Variants in USH2A observed in about 807,000 individuals in gnomAD.
The protein encoded by USH2A is usherin.
A neutral mutation model predicts 538.9 loss-of-function variants in USH2A; 443 were observed. The ratio of observed to expected loss-of-function variants is 0.82; its 90% CI spans 0.76 to 0.89. The LOEUF (loss-of-function observed/expected upper bound fraction) is 0.89. USH2A is among the 40% of genes least tolerant of loss of function. USH2A has a pLI of 0.00. For missense variants in USH2A, 6,633 were observed against 6,324.8 expected (o/e 1.05, Z -1.65); for synonymous variants, 2,413 against 2,273.5 (o/e 1.06, Z -1.75).
chr1:216,172,805 C>T (rs1223058091), intron 21 of USH2A, among the ~76,000 whole-genome samples: 1 of 152,122 alleles, frequency 6.6e-6, no homozygotes, highest in Non-Finnish European at 1.5e-5. Flanking sequence ...TTAGCAGTGT[C>T]AGATAAGGAA....
chr1:216,205,655 G>C (rs116153417), intron 16 of USH2A, among the ~76,000 whole-genome samples: 1 of 152,266 alleles, frequency 6.6e-6, no homozygotes, highest in African/African-American at 2.4e-5. Context: ...TTTCGACAGA[G>C]CTTTAAACAG....
intron 11 of USH2A, among the ~76,000 whole-genome samples, chr1:216,285,554 C>T (rs1292944050): frequency 6.6e-6 from 1 of 152,226 alleles, no homozygotes; most frequent in Non-Finnish European, 1.5e-5. Context: ...TCAGACCCCC[C>T]ACACAGAGTC....
intron 61 of USH2A, among the ~76,000 whole-genome samples, chr1:215,726,631 T>G (rs1659826116): frequency 6.6e-6 from 1 of 152,176 alleles, no homozygotes; most frequent in Admixed American, 6.5e-5. Flanking sequence ...AGTTTTTTGG[T>G]TTTTTTATAA....
intron 21 of USH2A, among the ~76,000 whole-genome samples, chr1:216,136,832 C>T (rs771405330): frequency 5.3e-5 from 8 of 152,146 alleles, no homozygotes; most frequent in Non-Finnish European, 7.3e-5. Flanking sequence ...AGATTGCCAG[C>T]AAACCACCAG....
chr1:215,929,367 A>T (rs1209461627), intron 38 of USH2A, among the ~76,000 whole-genome samples: 1 of 152,100 alleles, frequency 6.6e-6, no homozygotes, highest in Non-Finnish European at 1.5e-5. Context: ...TATTTCAAAA[A>T]GAAAATCACT....
rs1050872598 is a variant in USH2A, at chr1:215,627,826, CCTAT to C, written c.15519+984_15519+987del. ...TACAGGCGTAAGCCACTGTGCCTGG[CCTAT>C]CTGTTTATTTTCTAACAGGCCCAGT... On this transcript the variant is annotated intron_variant, in intron 71 of 71. Transcript: ENST00000307340. 1.4e-3 allele frequency among the ~76,000 whole-genome samples: 220 copies of C among 152,302 alleles called. 2 individuals are homozygous for C. Among genetic ancestry groups the C allele is most frequent in the African/African-American group, 5.0e-3 (208 of 41,560 alleles).
intron 21 of USH2A, chr1:216,174,334 A>G: frequency 1.0e-6 from 1 of 982,268 alleles, no homozygotes; most frequent in Non-Finnish European, 1.2e-6. Flanking sequence ...TTTTTTAAAA[A>G]TTGGAAAAAT....
chr1:215,720,869 C>CA (rs1659638016), intron 61 of USH2A, among the ~76,000 whole-genome samples: 1 of 152,054 alleles, frequency 6.6e-6, no homozygotes, highest in Admixed American at 6.5e-5. Flanking sequence ...TCTGCCCCCT[C>CA]AAAATTAATA....
At chr1:216,217,693 A>G in intron 14 of USH2A, 143 bp from the exon 15 acceptor site, 1 of 947,594 alleles carries the variant, frequency 1.1e-6, no homozygotes, top group Non-Finnish European at 1.6e-6. Context: ...AGCTAAACAA[A>G]CAAAGAATCA....
At chr1:216,013,579 T>C (rs1234573212) in intron 32 of USH2A, among the ~76,000 whole-genome samples, 1 of 152,150 alleles carries the variant, frequency 6.6e-6, no homozygotes, top group African/African-American at 2.4e-5. Context: ...GAAAATGGCC[T>C]GTTCCTGCCT....
chr1:216,354,492 T>C (rs369262569), intron 4 of USH2A, among the ~76,000 whole-genome samples: 26 of 152,230 alleles, frequency 1.7e-4, no homozygotes, highest in Admixed American at 1.2e-3. Flanking sequence ...GGGGTGATAG[T>C]GAATAATACA....
In USH2A at chr1:216,120,219, C is replaced by CAAAAAAAAAAAAAAAAAA. The variant is rs10525093; in HGVS notation, c.4628-23024_4628-23007dup. ...TATTAAAACAGGTCATACTAAATAG[C>CAAAAAAAAAAAAAAAAAA]AAAAAAAAAAAAAAAAAAAAAAAAA... On this transcript the variant is annotated intron_variant, in intron 21 of 71. Transcript: ENST00000307340. Among the ~76,000 whole-genome samples, 12 of 100,066 alleles carry CAAAAAAAAAAAAAAAAAA rather than the reference C, an allele frequency of 1.2e-4. 2 individuals carry two copies. The highest frequency in any genetic ancestry group is 4.1e-4 in the South Asian group (1 of 2,464). 65.6% of individuals were successfully genotyped at this position (100,066 alleles called of 152,430 possible).
At chr1:215,895,093 A>C (rs1442495736) in intron 40 of USH2A, among the ~76,000 whole-genome samples, 1 of 152,126 alleles carries the variant, frequency 6.6e-6, no homozygotes, top group Non-Finnish European at 1.5e-5. Context: ...AGACAGAGGA[A>C]ATCTCAAGGG....
At chr1:215,768,443 T>C (rs1661191587) in intron 55 of USH2A, among the ~76,000 whole-genome samples, 1 of 150,140 alleles carries the variant, frequency 6.7e-6, no homozygotes. Context: ...CTGGAGCTGC[T>C]CCAAGGTTTA....
chr1:215,856,866 T>C (rs1322982371), intron 44 of USH2A, among the ~76,000 whole-genome samples: 1 of 151,212 alleles, frequency 6.6e-6, no homozygotes, highest in Non-Finnish European at 1.5e-5. Context: ...TGTGTGTGTG[T>C]GTGTGTGTGT....
At chr1:215,927,222 G>T (rs554367252) in intron 38 of USH2A, among the ~76,000 whole-genome samples, 3 of 151,918 alleles carry the variant, frequency 2.0e-5, no homozygotes, top group Non-Finnish European at 4.4e-5. Context: ...TGTGAAATTC[G>T]TTCAGGAAAA....
At chr1:216,247,334 T>C in intron 12 of USH2A, 108 bp from the exon 13 acceptor site, 5 of 1,405,360 alleles carry the variant, frequency 3.6e-6, no homozygotes, top group Non-Finnish European at 4.9e-6. Context: ...AAATATTGAG[T>C]GTTTTCTCAC....
chr1:216,264,403 T>C (rs2036432623), intron 11 of USH2A, among the ~76,000 whole-genome samples: 1 of 152,004 alleles, frequency 6.6e-6, no homozygotes, highest in South Asian at 2.1e-4. Context: ...GTTCAAGTAG[T>C]TCTCCTGCCT....
intron 3 of USH2A, among the ~76,000 whole-genome samples, chr1:216,396,411 TTATG>T (rs1463719567): frequency 2.6e-5 from 4 of 152,150 alleles, no homozygotes; most frequent in Non-Finnish European, 5.9e-5. Context: ...CACCTAGAGT[TTATG>T]CTCAGTTACA....
Sources: gnomAD v4.1 joint callset for allele counts (sites outside exome capture counted in the v4.1 genomes callset) on GRCh38, gnomAD v4.1.1 for gene constraint, MANE v1.5 for transcripts, NCBI Gene and HGNC (gene_info 2026-07-23, HGNC 2026-07-21) for gene names.